Variants in SUPT3H observed in about 807,000 individuals in gnomAD.
The protein encoded by SUPT3H is transcription initiation protein SPT3 homolog.
In SUPT3H, 44 loss-of-function variants were observed where a neutral mutation model predicts 44.3. The observed-to-expected ratio is 0.99, with a 90% confidence interval of 0.78 to 1.28. SUPT3H has a LOEUF of 1.28. SUPT3H is among the 50% of genes most tolerant of loss of function. The pLI is 0.00. For missense variants in SUPT3H, 380 were observed against 387.1 expected, an observed-to-expected ratio of 0.98 and a Z score of 0.15; for synonymous variants, 124 against 125.6, an observed-to-expected ratio of 0.99 and a Z score of 0.09.
intron 2 of SUPT3H, among the ~76,000 whole-genome samples, chr6:45,146,985 T>C (rs1806184990): frequency 6.6e-6 from 1 of 152,158 alleles, no homozygotes; most frequent in Non-Finnish European, 1.5e-5. Flanking sequence ...ATAGGTAACA[T>C]CTATTATTTA....
At chr6:45,025,606 G>C (rs58552158) in intron 3 of SUPT3H, among the ~76,000 whole-genome samples, 10 of 152,118 alleles carry the variant, frequency 6.6e-5, no homozygotes, top group African/African-American at 2.4e-4. Flanking sequence ...AGAATTGGCC[G>C]GGCGCGGTGG....
At chr6:45,173,144 A>T (rs1410043639) in intron 2 of SUPT3H, among the ~76,000 whole-genome samples, 1 of 152,216 alleles carries the variant, frequency 6.6e-6, no homozygotes, top group Non-Finnish European at 1.5e-5. Flanking sequence ...ATTTCTTAAA[A>T]AAAACACTGT....
At chr6:45,278,122 G>A (rs967352279) in intron 2 of SUPT3H, among the ~76,000 whole-genome samples, 4 of 150,682 alleles carry the variant, frequency 2.7e-5, no homozygotes, top group Non-Finnish European at 5.9e-5. Context: ...GGGGCCTGTC[G>A]GCAGTGGGTG....
intron 10 of SUPT3H, among the ~76,000 whole-genome samples, chr6:44,885,166 T>C (rs1279366425): frequency 6.6e-6 from 1 of 152,180 alleles, no homozygotes; most frequent in African/African-American, 2.4e-5. Flanking sequence ...CCTGCCTCTG[T>C]AGGCTCCACC....
intron 2 of SUPT3H, among the ~76,000 whole-genome samples, chr6:45,247,317 A>T (rs991953175): frequency 6.6e-6 from 1 of 152,194 alleles, no homozygotes; most frequent in Non-Finnish European, 1.5e-5. Context: ...GCTGGCATGT[A>T]AAAACTTGGC....
At chr6:45,013,249 C>T (rs1265875844) in intron 5 of SUPT3H, among the ~76,000 whole-genome samples, 1 of 152,056 alleles carries the variant, frequency 6.6e-6, no homozygotes, top group South Asian at 2.1e-4. Context: ...CTAGCTGACC[C>T]ACTGTTTTGC....
intron 3 of SUPT3H, among the ~76,000 whole-genome samples, chr6:45,043,036 G>A (rs917975728): frequency 6.6e-6 from 1 of 151,692 alleles, no homozygotes; most frequent in South Asian, 2.1e-4. Flanking sequence ...AATATTTAAA[G>A]CAATATAGCA....
At chr6:45,043,318 AT>A (rs1201835854) in intron 3 of SUPT3H, among the ~76,000 whole-genome samples, 1 of 152,152 alleles carries the variant, frequency 6.6e-6, no homozygotes, top group Non-Finnish European at 1.5e-5. Context: ...GGTCTTATTT[AT>A]TTTTCCAACC....
At chr6:45,210,016 T>G (rs1020139785) in intron 2 of SUPT3H, among the ~76,000 whole-genome samples, 40 of 152,280 alleles carry the variant, frequency 2.6e-4, no homozygotes, top group African/African-American at 8.4e-4. Flanking sequence ...GCAAAAAGAC[T>G]ATGACACATT....
chr6:45,023,755 A>C (rs1785516160), intron 3 of SUPT3H, among the ~76,000 whole-genome samples: 1 of 152,070 alleles, frequency 6.6e-6, no homozygotes, highest in African/African-American at 2.4e-5. Context: ...ACTGGGGCCT[A>C]CTTGAAGGTG....
chr6:44,916,496 G>A (rs763314321), intron 10 of SUPT3H, among the ~76,000 whole-genome samples: 1 of 152,150 alleles, frequency 6.6e-6, no homozygotes, highest in Non-Finnish European at 1.5e-5. Context: ...ATGCAGGGCA[G>A]GAAAGGAGTC....
intron 10 of SUPT3H, among the ~76,000 whole-genome samples, chr6:44,870,273 A>C (rs1007009342): frequency 1.3e-5 from 2 of 152,144 alleles, no homozygotes; most frequent in African/African-American, 4.8e-5. Context: ...GATGATCAAA[A>C]AGAGTTTCAT....
At chr6:44,901,732 A>G (rs529076701) in intron 10 of SUPT3H, among the ~76,000 whole-genome samples, 2 of 151,202 alleles carry the variant, frequency 1.3e-5, no homozygotes, top group East Asian at 3.9e-4. Context: ...CAGATTCACC[A>G]AAGTTGAAAT....
intron 10 of SUPT3H, among the ~76,000 whole-genome samples, chr6:44,847,452 C>T (rs1271530183): frequency 6.6e-6 from 1 of 151,896 alleles, no homozygotes; most frequent in Non-Finnish European, 1.5e-5. Context: ...TGGTTGAATA[C>T]TAATTTTTAA....
chr6:45,191,424 G>A (rs1183577033), intron 2 of SUPT3H, among the ~76,000 whole-genome samples: 1 of 151,996 alleles, frequency 6.6e-6, no homozygotes, highest in Non-Finnish European at 1.5e-5. Flanking sequence ...AAGGAGGGAG[G>A]AATAGGTGGA....
At chr6:45,321,256 T>A (rs929962940) in intron 2 of SUPT3H, among the ~76,000 whole-genome samples, 1 of 152,270 alleles carries the variant, frequency 6.6e-6, no homozygotes, top group Non-Finnish European at 1.5e-5. Flanking sequence ...CACTCATTTT[T>A]AAAAATTTAT....
At chr6:44,915,885 AC>A (rs749609395) in intron 10 of SUPT3H, among the ~76,000 whole-genome samples, 1 of 151,958 alleles carries the variant, frequency 6.6e-6, no homozygotes, top group African/African-American at 2.4e-5. Flanking sequence ...ACCAAGCTGC[AC>A]CCCAACCACC....
At chr6:45,121,522 G>GT (rs1277164847) in intron 2 of SUPT3H, among the ~76,000 whole-genome samples, 1 of 151,846 alleles carries the variant, frequency 6.6e-6, no homozygotes, top group African/African-American at 2.4e-5. Context: ...ATTATGTGGG[G>GT]GGGGGGGTGG....
chr6:45,004,659 A>G (rs571853633), intron 5 of SUPT3H, among the ~76,000 whole-genome samples: 2 of 152,170 alleles, frequency 1.3e-5, no homozygotes, highest in East Asian at 3.9e-4. Context: ...CCAACTCAAA[A>G]TCTTGTAACT....
Sources: allele counts gnomAD v4.1 joint callset (sites outside exome capture counted in the v4.1 genomes callset), GRCh38; gene constraint gnomAD v4.1.1; transcripts MANE v1.5; gene names NCBI Gene and HGNC (gene_info 2026-07-23, HGNC 2026-07-21).